The following ANO6 variants were observed in gnomAD, a reference collection of about 807,000 sequenced individuals.
ANO6 encodes anoctamin 6.
A neutral mutation model predicts 117.5 loss-of-function variants in ANO6; 106 were observed. That is an observed-to-expected ratio of 0.90 (90% confidence interval 0.77 to 1.06). ANO6 has a LOEUF of 1.06. ANO6 is among the 50% of genes least tolerant of loss of function. The pLI is 0.00. For missense variants in ANO6, 955 were observed against 1,121.1 expected, an observed-to-expected ratio of 0.85 and a Z score of 2.12; for synonymous variants, 367 against 385.1, an observed-to-expected ratio of 0.95 and a Z score of 0.55.
downstream of ANO6, among the ~76,000 whole-genome samples, chr12:45,433,240 C>G (rs943615890): frequency 6.6e-6 from 1 of 152,212 alleles, no homozygotes; most frequent in Non-Finnish European, 1.5e-5. Flanking sequence ...CACTCTTCTG[C>G]CTGCCTTTGA....
At chr12:45,256,011 CAG>C (rs889767798) in intron 1 of ANO6, among the ~76,000 whole-genome samples, 8 of 151,684 alleles carry the variant, frequency 5.3e-5, no homozygotes, top group African/African-American at 1.5e-4. Context: ...TTAGTAGAGA[CAG>C]GGGTTTTGCC....
At chr12:45,413,671 G>A (rs1248828112) in intron 16 of ANO6, among the ~76,000 whole-genome samples, 2 of 152,208 alleles carry the variant, frequency 1.3e-5, no homozygotes, top group African/African-American at 2.4e-5. Context: ...AAGAAGTCTA[G>A]CAGAGTTGTG....
chr12:45,367,680 CTTT>C lies in ANO6; in HGVS notation c.999-5_999-3del, dbSNP rs1407504540. 1 of 1,609,212 alleles carries C rather than the reference CTTT, an allele frequency of 6.2e-7. No individual in the cohort carries two copies. Among genetic ancestry groups the C allele is most frequent in the African/African-American group, 1.3e-5 (1 of 74,938 alleles). Reference sequence around the variant, plus strand: ...TTTTAAAATTAAGTTTTATTTCTCTCTTTTTAGCAAAGAAGTTTGTCATCCTGA... The same window carrying C: ...TTTTAAAATTAAGTTTTATTTCTCTCTTAGCAAAGAAGTTTGTCATCCTGA... On this transcript the variant is annotated splice_region_variant and splice_polypyrimidine_tract_variant and intron_variant, in intron 8 of 19. Coordinates refer to ENST00000320560, the MANE Select transcript of ANO6 (RefSeq NM_001025356.3).
intron 1 of ANO6, among the ~76,000 whole-genome samples, chr12:45,278,589 C>G (rs1038359771): frequency 6.6e-6 from 1 of 152,198 alleles, no homozygotes; most frequent in East Asian, 1.9e-4. Context: ...TTCTCCCTCT[C>G]TCCCTTTGGT....
At chr12:45,230,328 C>T (rs908547870) in intron 1 of ANO6, among the ~76,000 whole-genome samples, 1 of 151,838 alleles carries the variant, frequency 6.6e-6, no homozygotes, top group Non-Finnish European at 1.5e-5. Context: ...TGAGCAGCTT[C>T]TTATAACTTT....
At chr12:45,270,069 G>T (rs1018579174) in intron 1 of ANO6, among the ~76,000 whole-genome samples, 1 of 152,176 alleles carries the variant, frequency 6.6e-6, no homozygotes, top group Non-Finnish European at 1.5e-5. Context: ...TGCACCAGGG[G>T]TAGTGAACCA....
intron 10 of ANO6, among the ~76,000 whole-genome samples, chr12:45,387,571 T>C (rs1942332394): frequency 6.6e-6 from 1 of 152,232 alleles, no homozygotes. Flanking sequence ...GACCATCACA[T>C]TGCCTTTCCC....
intron 8 of ANO6, among the ~76,000 whole-genome samples, chr12:45,364,969 C>T (rs1941647846): frequency 6.6e-6 from 1 of 152,238 alleles, no homozygotes; most frequent in South Asian, 2.1e-4. Flanking sequence ...ACTGTTACTG[C>T]TGCTTCCCTT....
intron 8 of ANO6, among the ~76,000 whole-genome samples, chr12:45,365,442 A>G (rs1358640698): frequency 6.6e-6 from 1 of 152,194 alleles, no homozygotes; most frequent in East Asian, 1.9e-4. Flanking sequence ...GCTACAATGT[A>G]AAATAATTCT....
intron 13 of ANO6, among the ~76,000 whole-genome samples, chr12:45,402,347 TG>T (rs1008589040): frequency 1.3e-5 from 2 of 152,228 alleles, no homozygotes; most frequent in African/African-American, 2.4e-5. Flanking sequence ...AATAGGGTCA[TG>T]GTTCCGGTGG....
intron 16 of ANO6, among the ~76,000 whole-genome samples, chr12:45,412,815 C>A (rs922940615): frequency 6.6e-6 from 1 of 152,198 alleles, no homozygotes; most frequent in African/African-American, 2.4e-5. Flanking sequence ...CGGAGCTCAG[C>A]GCTTGGTGCA....
intron 1 of ANO6, among the ~76,000 whole-genome samples, chr12:45,219,062 C>T (rs948324370): frequency 1.3e-5 from 2 of 152,128 alleles, no homozygotes; most frequent in East Asian, 3.9e-4. Context: ...GCCTTTGCTT[C>T]CCAAAGCTCT....
chr12:45,371,352 C>G (rs150497205), intron 9 of ANO6, among the ~76,000 whole-genome samples: 123 of 152,284 alleles, frequency 8.1e-4, no homozygotes, highest in Non-Finnish European at 1.1e-3. Flanking sequence ...ACTTGGTGGA[C>G]CCCACCACAG....
chr12:45,265,183 T>C (rs1938173825), intron 1 of ANO6, among the ~76,000 whole-genome samples: 1 of 152,212 alleles, frequency 6.6e-6, no homozygotes, highest in Admixed American at 6.5e-5. Flanking sequence ...ATAGTGACTT[T>C]TATATAAAAG....
chr12:45,417,478 C>G (rs571955065), intron 17 of ANO6, among the ~76,000 whole-genome samples: 6 of 152,274 alleles, frequency 3.9e-5, no homozygotes, highest in African/African-American at 1.2e-4. Flanking sequence ...GCTCACCATG[C>G]TTTGGTCATT....
chr12:45,242,045 C>T (rs549171084), intron 1 of ANO6, among the ~76,000 whole-genome samples: 6 of 152,314 alleles, frequency 3.9e-5, no homozygotes, highest in Middle Eastern at 6.8e-3. Context: ...CTTGTGGAGG[C>T]GGTCTGTCCA....
intron 17 of ANO6, among the ~76,000 whole-genome samples, chr12:45,419,325 A>AT (rs1943295064): frequency 6.6e-6 from 1 of 152,196 alleles, no homozygotes; most frequent in Non-Finnish European, 1.5e-5. Flanking sequence ...CCTTGTTGGA[A>AT]TTTTTTGTAG....
chr12:45,373,984 G>A (rs1312508779), intron 9 of ANO6, among the ~76,000 whole-genome samples: 1 of 151,648 alleles, frequency 6.6e-6, no homozygotes, highest in East Asian at 1.9e-4. Flanking sequence ...AAAGAGAGAA[G>A]AATCAAAGAG....
At chr12:45,437,205 A>G (rs1943716676), downstream of ANO6, among the ~76,000 whole-genome samples, 1 of 152,236 alleles carries the variant, frequency 6.6e-6, no homozygotes, top group African/African-American at 2.4e-5. Context: ...TTTCCTAATA[A>G]CACAAAGACA....
Sources: allele counts gnomAD v4.1 joint callset (sites outside exome capture counted in the v4.1 genomes callset), GRCh38; gene constraint gnomAD v4.1.1; transcripts MANE v1.5; gene names NCBI Gene and HGNC (gene_info 2026-07-23, HGNC 2026-07-21).